The following KAZN variants were observed in gnomAD, a reference collection of about 807,000 sequenced individuals.
KAZN encodes kazrin, periplakin interacting protein, also known as kazrin.
KAZN carries 40 observed loss-of-function variants against 87.4 expected under a neutral mutation model. The observed-to-expected ratio is 0.46, with a 90% confidence interval of 0.36 to 0.60. The LOEUF is 0.60. Among genes scored for constraint, KAZN ranks in the 20% least tolerant of loss-of-function variants. The pLI is 0.00. For synonymous variants in KAZN, 466 were observed against 458.3 expected, an observed-to-expected ratio of 1.02 and a Z score of -0.22; for missense variants, 898 against 1,073.9, an observed-to-expected ratio of 0.84 and a Z score of 2.29.
intron 1 of KAZN, among the ~76,000 whole-genome samples, chr1:14,800,173 T>C (rs1645963847): frequency 6.6e-6 from 1 of 152,158 alleles, no homozygotes; most frequent in African/African-American, 2.4e-5. Flanking sequence ...ATGGCAGATC[T>C]CCAGGTTTTT....
chr1:14,679,825 C>T (rs1268110591), intron 1 of KAZN, among the ~76,000 whole-genome samples: 1 of 152,118 alleles, frequency 6.6e-6, no homozygotes, highest in Non-Finnish European at 1.5e-5. Flanking sequence ...TGCTCCACCA[C>T]TGGGGCGCCT....
chr1:14,243,060 A>G (rs1649121777), intron 2 of KAZN, among the ~76,000 whole-genome samples: 1 of 152,168 alleles, frequency 6.6e-6, no homozygotes, highest in Admixed American at 6.5e-5. Flanking sequence ...AAAGCCCTTC[A>G]ATCACATCTC....
intron 2 of KAZN, 110 bp from the exon 3 acceptor site, chr1:15,034,639 T>C: frequency 7.6e-7 from 1 of 1,319,658 alleles, no homozygotes; most frequent in Non-Finnish European, 1.0e-6. Flanking sequence ...TTCTGAGCCC[T>C]GTTTTCTCAC....
At chr1:15,103,337 T>C (rs748017149) in intron 11 of KAZN, 22 bp from the exon 12 acceptor site, 1 of 1,540,662 alleles carries the variant, frequency 6.5e-7, no homozygotes, top group South Asian at 1.2e-5. Context: ...TCCCTCCGAA[T>C]GACCCACTGT....
At chr1:14,969,426 G>GGCT (rs1427918941) in intron 2 of KAZN, among the ~76,000 whole-genome samples, 5 of 152,230 alleles carry the variant, frequency 3.3e-5, no homozygotes, top group Non-Finnish European at 7.3e-5. Flanking sequence ...TTAGCCTGGT[G>GGCT]GCTCTCGGGG....
At chr1:14,931,235 A>G (rs1224357010) in intron 1 of KAZN, among the ~76,000 whole-genome samples, 3 of 151,962 alleles carry the variant, frequency 2.0e-5, no homozygotes, top group Non-Finnish European at 4.4e-5. Context: ...TCAGGAGTTC[A>G]GGACCAGCCT....
intron 2 of KAZN, among the ~76,000 whole-genome samples, chr1:14,348,369 CAAGAA>C (rs1009213816): frequency 2.6e-4 from 40 of 152,160 alleles, no homozygotes; most frequent in African/African-American, 9.6e-4. Context: ...TACTTCTTAA[CAAGAA>C]AAGAAAAATT....
At chr1:14,811,441 A>C (rs1646407002) in intron 1 of KAZN, among the ~76,000 whole-genome samples, 1 of 152,284 alleles carries the variant, frequency 6.6e-6, no homozygotes, top group South Asian at 2.1e-4. Flanking sequence ...GGAACTACTT[A>C]GTGAATACGT....
At chr1:14,106,171 T>C (rs1644370107) in intron 1 of KAZN, among the ~76,000 whole-genome samples, 1 of 151,852 alleles carries the variant, frequency 6.6e-6, no homozygotes, top group Non-Finnish European at 1.5e-5. Flanking sequence ...ATACCTACAC[T>C]CTCCATGTTT....
chr1:14,263,403 A>C (rs1367831067), intron 2 of KAZN, among the ~76,000 whole-genome samples: 1 of 152,218 alleles, frequency 6.6e-6, no homozygotes, highest in Admixed American at 6.5e-5. Context: ...GTGTGCTCTC[A>C]GCTGTCAGCC....
chr1:14,065,637 C>T (rs571757400), intron 1 of KAZN, among the ~76,000 whole-genome samples: 2 of 151,784 alleles, frequency 1.3e-5, no homozygotes, highest in South Asian at 4.2e-4. Flanking sequence ...TCTGATCTTC[C>T]AATTACTCCA....
intron 2 of KAZN, among the ~76,000 whole-genome samples, chr1:14,239,753 C>G (rs12048987): frequency 0.31 from 46,617 of 151,650 alleles, 7,337 homozygotes; most frequent in East Asian, 0.48. Context: ...AACCACCACA[C>G]CCAGCAAGTT....
intron 2 of KAZN, among the ~76,000 whole-genome samples, chr1:14,292,158 CAT>C (rs1653753889): frequency 6.6e-6 from 1 of 152,144 alleles, no homozygotes; most frequent in Non-Finnish European, 1.5e-5. Flanking sequence ...GTGTGTATGT[CAT>C]ATGTGCGTAT....
intron 2 of KAZN, among the ~76,000 whole-genome samples, chr1:14,395,736 G>A (rs545259606): frequency 2.2e-4 from 33 of 152,248 alleles, no homozygotes; most frequent in African/African-American, 7.5e-4. Flanking sequence ...GGACTTGGCG[G>A]GGCAACAAGA....
At chr1:14,530,678 C>T (rs553957107) in intron 2 of KAZN, among the ~76,000 whole-genome samples, 48 of 152,278 alleles carry the variant, frequency 3.2e-4, no homozygotes, top group Middle Eastern at 6.8e-3. Flanking sequence ...CCCCCTTCAC[C>T]TTTTGCCATG....
At chr1:15,051,597 C>T (rs1674410847) in intron 4 of KAZN, among the ~76,000 whole-genome samples, 1 of 152,184 alleles carries the variant, frequency 6.6e-6, no homozygotes, top group South Asian at 2.1e-4. Context: ...TCCCAGCAAC[C>T]ATGTGAGGGA....
Position 14,253,007 on chromosome 1 carries a change from G to A in KAZN, c.249+72415G>A, listed in dbSNP as rs868316893. On this transcript the variant is annotated intron_variant, in intron 2 of 16. Transcript: ENST00000636203. ...GGTTTCACAGGCCAACCTGGAAGTA[G>A]TGGGTGTCCTGTCTTTCCTTCGGAA... 5.9e-5 allele frequency among the ~76,000 whole-genome samples: 9 copies of A among 151,944 alleles called. 1 individual carries two copies. In the South Asian group the frequency reaches 1.9e-3, roughly 32 times the overall value.
rs529653702 is a variant in KAZN, at chr1:13,961,992, C to T, written c.91+68236C>T. 7.1e-4 allele frequency among the ~76,000 whole-genome samples: 108 copies of T among 152,292 alleles called. 1 individual carries two copies. Among genetic ancestry groups the T allele is most frequent in the Admixed American group, 2.0e-3 (31 of 15,300 alleles). On this transcript the variant is annotated intron_variant, in intron 1 of 16. Coordinates refer to the KAZN transcript ENST00000636203. ...GGATCATTTCCTCTATCCTTCTCAC[C>T]GCGTGAGCTCCTATGCATCCTTCTC...
intron 1 of KAZN, among the ~76,000 whole-genome samples, chr1:14,695,436 G>A: frequency 6.6e-6 from 1 of 151,244 alleles, no homozygotes; most frequent in East Asian, 1.9e-4. Context: ...AATTATAGGA[G>A]AAGAATAGAA....
Sources: gnomAD v4.1 joint callset for allele counts (sites outside exome capture counted in the v4.1 genomes callset) on GRCh38, gnomAD v4.1.1 for gene constraint, MANE v1.5 for transcripts, NCBI Gene and HGNC (gene_info 2026-07-23, HGNC 2026-07-21) for gene names.